The following KCNQ1 variants were observed in gnomAD, a reference collection of about 807,000 sequenced individuals.
The protein encoded by KCNQ1 is potassium voltage-gated channel subfamily KQT member 1.
Under a neutral mutation model 72.4 loss-of-function variants are expected in KCNQ1, and 49 were observed. The ratio of observed to expected loss-of-function variants is 0.68; its 90% CI spans 0.54 to 0.86. KCNQ1 has a LOEUF of 0.86. Among genes scored for constraint, KCNQ1 ranks in the 40% least tolerant of loss-of-function variants. The probability of loss-of-function intolerance (pLI) is 0.00; values close to 1 mark genes in which losing one functional copy is unlikely to be tolerated. For missense variants in KCNQ1, 790 were observed against 945.1 expected (o/e 0.84, Z 2.15); for synonymous variants, 450 against 412.6 (o/e 1.09, Z -1.10).
intron 15 of KCNQ1, among the ~76,000 whole-genome samples, chr11:2,807,613 G>A (rs1285491923): frequency 1.3e-5 from 2 of 152,100 alleles, no homozygotes; most frequent in Non-Finnish European, 2.9e-5. Context: ...CAGTGCCTCC[G>A]CAACCCGCGC....
In KCNQ1 at chr11:2,820,176, T is replaced by A. The variant is rs531927005; in HGVS notation, c.1795-27591T>A. Among the ~76,000 whole-genome samples, 15 of 152,332 alleles carry A rather than the reference T, an allele frequency of 9.8e-5. No individual in the cohort carries two copies. In the South Asian group the frequency reaches 3.1e-3, roughly 32 times the overall value. ...GAGTTGAAAGCTTAGCACATTTATT[T>A]TCAATCTTTTTTATTTTCTAAAATT... On this transcript the variant is annotated intron_variant, in intron 15 of 15. Coordinates refer to ENST00000155840, the MANE Select transcript of KCNQ1 (RefSeq NM_000218.3).
At chr11:2,821,195 C>T (rs1036739447) in intron 15 of KCNQ1, among the ~76,000 whole-genome samples, 6 of 152,208 alleles carry the variant, frequency 3.9e-5, no homozygotes, top group Admixed American at 6.5e-5. Flanking sequence ...TGTCAGAGGG[C>T]GGACACCGAA....
rs1157959312 is a variant in KCNQ1 at position 2,549,739 on chromosome 11, G to A, written c.478-20889G>A. Among the ~76,000 whole-genome samples the A allele has an allele frequency of 2.0e-5, 3 of 152,196 alleles. No individual in the cohort carries two copies. Among genetic ancestry groups the A allele is most frequent in the African/African-American group, 7.2e-5 (3 of 41,540 alleles). On this transcript the variant is annotated intron_variant, in intron 2 of 15. Transcript: ENST00000155840. The surrounding 1 kb of genome is among the most constrained non-coding windows in gnomAD (Gnocchi z 6.2). ...CCCAGGCCTGGTGTGGGGGTGCCTG[G>A]GGGGCAGTGGACGTGAGCAGCAGCA...
chr11:2,607,333 CTT>C (rs1355568983), intron 10 of KCNQ1, among the ~76,000 whole-genome samples: 2 of 152,070 alleles, frequency 1.3e-5, no homozygotes, highest in Non-Finnish European at 2.9e-5. Context: ...TTTTCTGTGT[CTT>C]TTATTCTATC....
intron 1 of KCNQ1, among the ~76,000 whole-genome samples, chr11:2,454,592 A>G (rs1846159529): frequency 6.6e-6 from 1 of 152,240 alleles, no homozygotes; most frequent in Admixed American, 6.5e-5. Flanking sequence ...AGGTTAAGGT[A>G]AGTAATTGTG....
In KCNQ1 at chr11:2,773,141, C is replaced by T. The variant is rs532147688; in HGVS notation, c.1591-2819C>T. On this transcript the variant is annotated intron_variant, in intron 12 of 15. Transcript: ENST00000155840. ...CTTAGAGAAGAGAGCGTAGAATCTC[C>T]ATCATACAGAAGGGACATACGGAAG... Among the ~76,000 whole-genome samples the T allele has an allele frequency of 2.0e-5, 3 of 151,418 alleles. No homozygotes were observed. In the South Asian group the frequency reaches 6.3e-4, roughly 32 times the overall value.
Position 2,588,575 on chromosome 11 carries a change from G to A in KCNQ1, c.1252-138G>A. On this transcript the variant is annotated intron_variant, in intron 9 of 15. Transcript: ENST00000155840. This position sits in a 1 kb window ranked among gnomAD's most constrained non-coding sequence, Gnocchi z 5.6. The stretch of plus-strand genomic sequence containing the variant: ...TCTCTGTGTGAAGACACTGGAGCTG[G>A]CCCCAGGCCTCAGGTCCCTGTCCGG... 9.7e-7 allele frequency: 1 copy of A among 1,032,442 alleles called. No individual in the cohort carries two copies. The allele number at this position is 1,032,442 out of a possible 1,614,324, so 64.0% of individuals were successfully genotyped here.
At chr11:2,729,507 G>A (rs1015851969) in intron 11 of KCNQ1, among the ~76,000 whole-genome samples, 5 of 152,262 alleles carry the variant, frequency 3.3e-5, no homozygotes, top group East Asian at 1.9e-4. Flanking sequence ...AATGGGAGAC[G>A]TATAAGGGCT....
intron 10 of KCNQ1, among the ~76,000 whole-genome samples, chr11:2,604,461 G>C (rs1848851173): frequency 6.6e-6 from 1 of 151,876 alleles, no homozygotes; most frequent in African/African-American, 2.4e-5. Context: ...TTAGGCAACA[G>C]AGCAAGACTG....
rs1277345065 is a variant in KCNQ1 at position 2,674,923 on chromosome 11, T to G, written c.1514+12842T>G. On this transcript the variant is annotated intron_variant, in intron 11 of 15. Coordinates refer to ENST00000155840, the MANE Select transcript of KCNQ1 (RefSeq NM_000218.3). This position sits in a 1 kb window ranked among gnomAD's most constrained non-coding sequence, Gnocchi z 5.9. ...CTTTGTGTTAGCTCCAGCTGCAGAGTTTTTCCAGGCCTCGCTTCTGGGGCT... is the reference window on the plus strand; with the variant it reads ...CTTTGTGTTAGCTCCAGCTGCAGAGGTTTTCCAGGCCTCGCTTCTGGGGCT... 2.5e-6 allele frequency: 1 copy of G among 394,738 alleles called. No homozygotes were observed. The highest frequency in any genetic ancestry group is 4.4e-6 in the Non-Finnish European group (1 of 225,456). The allele number at this position is 394,738 out of a possible 1,614,324, so 24.5% of individuals were successfully genotyped here. A position where few individuals can be genotyped will look rare whatever the true frequency, so the allele number is the denominator to read the frequency against.
rs1847832575 is a variant in KCNQ1 at position 2,541,897 on chromosome 11, G to A, written c.477+13879G>A. On this transcript the variant is annotated intron_variant, in intron 2 of 15. Transcript: ENST00000155840. The surrounding 1 kb of genome is among the most constrained non-coding windows in gnomAD (Gnocchi z 4.8). Reference sequence around the variant, plus strand: ...GCATAGACATCAGCTAAGGGGGTTTGGGGGCCAGTCGGCAGCCTCTGGAGG... The same window carrying A: ...GCATAGACATCAGCTAAGGGGGTTTAGGGGCCAGTCGGCAGCCTCTGGAGG... Among the ~76,000 whole-genome samples the A allele has an allele frequency of 6.6e-6, 1 of 152,150 alleles. No homozygotes were observed. Among genetic ancestry groups the A allele is most frequent in the African/African-American group, 2.4e-5 (1 of 41,424 alleles).
intron 1 of KCNQ1, among the ~76,000 whole-genome samples, chr11:2,518,949 T>C (rs1847331816): frequency 6.6e-6 from 1 of 151,994 alleles, no homozygotes; most frequent in Non-Finnish European, 1.5e-5. Context: ...AGGCTGTGGG[T>C]CTGTGAAGCG....
At chr11:2,811,809 C>A (rs115381332) in intron 15 of KCNQ1, among the ~76,000 whole-genome samples, 2 of 152,164 alleles carry the variant, frequency 1.3e-5, no homozygotes, top group African/African-American at 4.8e-5. Flanking sequence ...GAGGAGGGGC[C>A]GGCGAAAGCC....
Position 2,654,544 on chromosome 11 carries a change from C to G in KCNQ1, c.1394-7417C>G. 1 of 398,664 alleles carries G rather than the reference C, an allele frequency of 2.5e-6. No homozygotes were observed. Among genetic ancestry groups the G allele is most frequent in the Non-Finnish European group, 4.4e-6 (1 of 226,186 alleles). 24.7% of individuals were successfully genotyped at this position (398,664 alleles called of 1,614,324 possible). A position where few individuals can be genotyped will look rare whatever the true frequency, so the allele number is the denominator to read the frequency against. Reference sequence around the variant, plus strand: ...TTGTGGAAGAGGGCTTGGGTTACACCTGGGAGATTAGGCCGGATTTTAATC... The same window carrying G: ...TTGTGGAAGAGGGCTTGGGTTACACGTGGGAGATTAGGCCGGATTTTAATC... On this transcript the variant is annotated intron_variant, in intron 10 of 15. Transcript: ENST00000155840. This position sits in a 1 kb window ranked among gnomAD's most constrained non-coding sequence, Gnocchi z 6.4.
intron 10 of KCNQ1, among the ~76,000 whole-genome samples, chr11:2,606,401 C>T (rs117348253): frequency 0.03 from 4,560 of 152,170 alleles, 79 homozygotes; most frequent in Middle Eastern, 0.078. Context: ...ACGGAGCCCT[C>T]GTGAATGGCT....
At position 2,593,772 on chromosome 11, in the gene KCNQ1, G is replaced by A. The variant is rs117552870; in HGVS notation, c.1393+4918G>A. The stretch of plus-strand genomic sequence containing the variant: ...AGCCTCCTCCTGCTCCCGGCTCCGC[G>A]TCCTCAGCCCAACACACCAAGCCTG... On this transcript the variant is annotated intron_variant, in intron 10 of 15. Transcript: ENST00000155840. The surrounding 1 kb of genome is among the most constrained non-coding windows in gnomAD (Gnocchi z 6.9). Among the ~76,000 whole-genome samples, 387 of 152,220 alleles carry A rather than the reference G, an allele frequency of 2.5e-3. 1 individual carries two copies. Among genetic ancestry groups the A allele is most frequent in the Non-Finnish European group, 3.7e-3 (252 of 68,016 alleles).
At chr11:2,453,481 CAG>C (rs1460466534) in intron 1 of KCNQ1, among the ~76,000 whole-genome samples, 1 of 152,144 alleles carries the variant, frequency 6.6e-6, no homozygotes, top group African/African-American at 2.4e-5. Context: ...TTTCTGAAAA[CAG>C]AAGAAAACCC....
At chr11:2,557,546 A>G (rs1848090647) in intron 2 of KCNQ1, among the ~76,000 whole-genome samples, 1 of 152,200 alleles carries the variant, frequency 6.6e-6, no homozygotes, top group African/African-American at 2.4e-5. Context: ...ATCACGCCTG[A>G]GCTCGCTAGC....
chr11:2,459,195 G>A (rs561674591), intron 1 of KCNQ1, among the ~76,000 whole-genome samples: 8 of 152,234 alleles, frequency 5.3e-5, no homozygotes, highest in Non-Finnish European at 1.0e-4. Flanking sequence ...CTTGGGACGC[G>A]GTGGTGGGGA....
Sources: gnomAD v4.1 joint callset for allele counts (sites outside exome capture counted in the v4.1 genomes callset) on GRCh38, gnomAD v4.1.1 for gene constraint, Gnocchi (gnomAD v3.1) non-coding constraint, MANE v1.5 for transcripts, NCBI Gene and HGNC (gene_info 2026-07-23, HGNC 2026-07-21) for gene names.